The following KLHL3 variants were observed in gnomAD, a reference collection of about 807,000 sequenced individuals.
KLHL3 encodes the protein kelch-like protein 3.
KLHL3 carries 19 observed loss-of-function variants against 70.5 expected under a neutral mutation model. The observed-to-expected ratio is 0.27, with a 90% CI of 0.19 to 0.40. KLHL3 has a LOEUF of 0.40. KLHL3 is among the 10% of genes least tolerant of loss of function. The pLI is 1.00. For synonymous variants in KLHL3, 258 were observed against 290.3 expected (o/e 0.89, Z 1.13); for missense variants, 512 against 771.1 (o/e 0.66, Z 3.98).
At chr5:137,655,857 G>A (rs1406420364) in intron 8 of KLHL3, among the ~76,000 whole-genome samples, 2 of 151,812 alleles carry the variant, frequency 1.3e-5, no homozygotes, top group Non-Finnish European at 2.9e-5. Flanking sequence ...TGGGTGTGTT[G>A]GCACACACCT....
intron 2 of KLHL3, among the ~76,000 whole-genome samples, chr5:137,711,851 T>C (rs1370396692): frequency 1.4e-4 from 22 of 152,094 alleles, no homozygotes; most frequent in Admixed American, 1.4e-3. Flanking sequence ...TCTTGGACAT[T>C]TTTACTTACA....
At chr5:137,732,773 AC>A (rs1275016532) in intron 1 of KLHL3, among the ~76,000 whole-genome samples, 1 of 152,154 alleles carries the variant, frequency 6.6e-6, no homozygotes, top group Non-Finnish European at 1.5e-5. Context: ...TGCCTAAAAA[AC>A]TTTACTAGGT....
intron 6 of KLHL3, among the ~76,000 whole-genome samples, chr5:137,663,903 G>T (rs183415881): frequency 2.0e-4 from 30 of 152,330 alleles, no homozygotes; most frequent in African/African-American, 6.0e-4. Flanking sequence ...TCTTTGAGGG[G>T]AAGGAGGGTC....
At position 137,637,339 on chromosome 5, in the gene KLHL3, G is replaced by A. The variant is rs1177111958; in HGVS notation, c.1276C>T (p.Pro426Ser). 6.2e-7 allele frequency: 1 copy of A among 1,614,114 alleles called. No homozygotes were observed. The highest frequency in any genetic ancestry group is 8.5e-7 in the Non-Finnish European group (1 of 1,179,966). ...ACACTGCTCCGCCGCGTGTTCATCGGGGCCACAAAGAACCACTCGTTGGTC... is the reference window on the plus strand; with the variant it reads ...ACACTGCTCCGCCGCGTGTTCATCGAGGCCACAAAGAACCACTCGTTGGTC... ...YKTNEWFFVA[P>S]MNTRRSSVGV... Residue 426 changes from proline (P) to serine (S), a missense_variant, in exon 11 of 15, where the codon CCG (proline) becomes TCG (serine). Pro to Ser is a moderately conservative substitution (Grantham distance 74). Transcript: ENST00000309755.
At chr5:137,637,659 G>C (rs1053013928) in intron 10 of KLHL3, among the ~76,000 whole-genome samples, 1 of 152,208 alleles carries the variant, frequency 6.6e-6, no homozygotes, top group South Asian at 2.1e-4. Flanking sequence ...GGCAAATGTA[G>C]ATCATAAAAA....
intron 8 of KLHL3, among the ~76,000 whole-genome samples, chr5:137,657,665 C>T (rs1168760747): frequency 1.3e-5 from 2 of 152,160 alleles, no homozygotes; most frequent in African/African-American, 4.8e-5. Flanking sequence ...TTTCTTAGAA[C>T]CCCTTTTCTT....
At chr5:137,716,704 C>T (rs1321098670) in intron 2 of KLHL3, among the ~76,000 whole-genome samples, 22 of 152,288 alleles carry the variant, frequency 1.4e-4, no homozygotes, top group Non-Finnish European at 1.5e-5. Flanking sequence ...AAGCAGAGGC[C>T]ATGAAACCCC....
In KLHL3 at chr5:137,649,189, C is replaced by T. The variant is rs148594378; in HGVS notation, c.903+8942G>A. Reference sequence around the variant, plus strand: ...ATGGGTCACAAATTCTGTGATACTACTACACTCAGACGTGGAACTTAATAC... The same window carrying T: ...ATGGGTCACAAATTCTGTGATACTATTACACTCAGACGTGGAACTTAATAC... On this transcript the variant is annotated intron_variant, in intron 8 of 14. Transcript: ENST00000309755. 7.8e-3 allele frequency among the ~76,000 whole-genome samples: 1,188 copies of T among 152,360 alleles called. 11 individuals carry two copies. The highest frequency in any genetic ancestry group is 0.02 in the Middle Eastern group (6 of 294).
At chr5:137,720,889 C>CCTG in intron 1 of KLHL3, 1 of 1,149,978 alleles carries the variant, frequency 8.7e-7, no homozygotes, top group Non-Finnish European at 1.1e-6. Context: ...CACTCTATCA[C>CCTG]TCACTTCACA....
chr5:137,688,870 G>A (rs1580763503), intron 5 of KLHL3, among the ~76,000 whole-genome samples: 1 of 152,214 alleles, frequency 6.6e-6, no homozygotes, highest in African/African-American at 2.4e-5. Flanking sequence ...TCATCAGGAT[G>A]TCTGCATACA....
At chr5:137,696,561 G>C (rs181361735) in intron 4 of KLHL3, among the ~76,000 whole-genome samples, 2 of 152,332 alleles carry the variant, frequency 1.3e-5, no homozygotes, top group East Asian at 3.9e-4. Flanking sequence ...CATAGGAAGT[G>C]CTCAGTTGAT....
intron 10 of KLHL3, among the ~76,000 whole-genome samples, chr5:137,638,258 C>G (rs1399038126): frequency 6.6e-6 from 1 of 152,124 alleles, no homozygotes; most frequent in Non-Finnish European, 1.5e-5. Context: ...GAGAAAGGTC[C>G]CCAGATTGTG....
At chr5:137,640,246 G>A (rs1042380948) in intron 8 of KLHL3, among the ~76,000 whole-genome samples, 1 of 152,216 alleles carries the variant, frequency 6.6e-6, no homozygotes, top group East Asian at 1.9e-4. Flanking sequence ...ATGTGAAGCC[G>A]CACAGGGCAT....
chr5:137,626,412 TC>T (rs1268287362), intron 13 of KLHL3, among the ~76,000 whole-genome samples: 1 of 151,988 alleles, frequency 6.6e-6, no homozygotes, highest in Non-Finnish European at 1.5e-5. Context: ...CACACACAAC[TC>T]CCAGGGATGC....
intron 4 of KLHL3, among the ~76,000 whole-genome samples, chr5:137,697,280 C>A (rs1005534978): frequency 6.6e-6 from 1 of 152,030 alleles, no homozygotes; most frequent in Non-Finnish European, 1.5e-5. Flanking sequence ...TCTCCTGCCT[C>A]GGCCTCCCAA....
At position 137,709,744 on chromosome 5, in the gene KLHL3, C is replaced by T; in HGVS notation, c.241+6G>A. On this transcript the variant is annotated splice_donor_region_variant and intron_variant, in intron 3 of 14. Transcript: ENST00000309755. ...ACCATGGGTTAATGGTGGCCACTCA[C>T]CATACCTGTGAACATCGCACAGAAG... The T allele has an allele frequency of 6.2e-7, 1 of 1,611,368 alleles. No individual in the cohort carries two copies. Among genetic ancestry groups the T allele is most frequent in the Admixed American group, 1.7e-5 (1 of 60,016 alleles).
At chr5:137,628,009 AG>A in intron 13 of KLHL3, 1 of 371,742 alleles carries the variant, frequency 2.7e-6, no homozygotes, top group South Asian at 3.4e-5. Context: ...GATGGCAACC[AG>A]AGGACTTTCC....
At chr5:137,718,019 C>G (rs949493475) in intron 2 of KLHL3, among the ~76,000 whole-genome samples, 2 of 152,152 alleles carry the variant, frequency 1.3e-5, no homozygotes, top group Admixed American at 6.5e-5. Context: ...TGTGGAAAAC[C>G]TTTGGTCAGA....
At chr5:137,647,550 C>T (rs573784210) in intron 8 of KLHL3, 43 of 472,186 alleles carry the variant, frequency 9.1e-5, no homozygotes, top group African/African-American at 5.8e-4. Context: ...CTTCTGTGAC[C>T]GGTGAGCTGG....
Sources: allele counts gnomAD v4.1 joint callset (sites outside exome capture counted in the v4.1 genomes callset), GRCh38; gene constraint gnomAD v4.1.1; transcripts MANE v1.5; gene names NCBI Gene and HGNC (gene_info 2026-07-23, HGNC 2026-07-21).